The following EYS variants were observed in gnomAD, a reference collection of about 807,000 sequenced individuals.
EYS encodes the protein protein eyes shut homolog.
Under a neutral mutation model 282.1 loss-of-function variants are expected in EYS, and 250 were observed. The observed-to-expected ratio is 0.89, with a 90% CI of 0.80 to 0.98. The LOEUF (loss-of-function observed/expected upper bound fraction) is 0.98, where lower values mean the gene tolerates loss of function less well. Ranked by LOEUF, EYS falls within the 50% of genes least tolerant of loss-of-function variation. EYS has a pLI of 0.00. For missense variants in EYS, 4,016 were observed against 3,709.0 expected (o/e 1.08, Z -2.15); for synonymous variants, 1,355 against 1,282.9 (o/e 1.06, Z -1.20).
chr6:65,166,801 C>A (rs1295762871), intron 12 of EYS, among the ~76,000 whole-genome samples: 1 of 150,994 alleles, frequency 6.6e-6, no homozygotes, highest in South Asian at 2.1e-4. Context: ...TTATAAGGAA[C>A]CACTAATTCA....
intron 31 of EYS, among the ~76,000 whole-genome samples, chr6:64,216,830 T>C (rs1458296906): frequency 2.6e-5 from 4 of 152,088 alleles, no homozygotes; most frequent in Non-Finnish European, 5.9e-5. Context: ...TGAGCATCAA[T>C]AAATTTTGAG....
At chr6:64,408,171 TTAATAATAAATAAATAAA>T (rs1328545034) in intron 28 of EYS, among the ~76,000 whole-genome samples, 1 of 151,668 alleles carries the variant, frequency 6.6e-6, no homozygotes, top group African/African-American at 2.4e-5. Flanking sequence ...AAATAATGAG[TTAATAATAAATAAATAAA>T]TAATAATAAA....
chr6:64,520,890 G>A (rs1431106407), intron 26 of EYS, among the ~76,000 whole-genome samples: 1 of 151,718 alleles, frequency 6.6e-6, no homozygotes, highest in Non-Finnish European at 1.5e-5. Context: ...AGGTAAGAAA[G>A]AGTCCAATCC....
At chr6:65,091,805 G>T (rs947067774) in intron 12 of EYS, among the ~76,000 whole-genome samples, 1 of 152,026 alleles carries the variant, frequency 6.6e-6, no homozygotes, top group Non-Finnish European at 1.5e-5. Context: ...TAGCCATTCG[G>T]TTGTAACCTG....
chr6:65,249,059 T>C (rs680040), intron 12 of EYS, among the ~76,000 whole-genome samples: 57,482 of 146,880 alleles, frequency 0.39, 12,262 homozygotes, highest in African/African-American at 0.58. Flanking sequence ...CCTATAAAAC[T>C]GACAAGTGAA....
intron 30 of EYS, among the ~76,000 whole-genome samples, chr6:64,278,064 C>T (rs1768173997): frequency 6.6e-6 from 1 of 152,050 alleles, no homozygotes; most frequent in Non-Finnish European, 1.5e-5. Flanking sequence ...TATACTATGT[C>T]AAAGAAGCTG....
intron 31 of EYS, among the ~76,000 whole-genome samples, chr6:64,160,368 G>GT (rs1310071831): frequency 6.6e-6 from 1 of 152,136 alleles, no homozygotes; most frequent in Non-Finnish European, 1.5e-5. Flanking sequence ...TGTACTGAGT[G>GT]TATCATTTTT....
At chr6:64,514,774 T>C (rs1777514147) in intron 26 of EYS, among the ~76,000 whole-genome samples, 1 of 151,762 alleles carries the variant, frequency 6.6e-6, no homozygotes, top group African/African-American at 2.4e-5. Flanking sequence ...AAGGAAGGGC[T>C]ACAGAGAGAG....
intron 31 of EYS, among the ~76,000 whole-genome samples, chr6:64,212,360 CAAT>C (rs1170431891): frequency 6.6e-6 from 1 of 151,462 alleles, no homozygotes; most frequent in East Asian, 1.9e-4. Context: ...ACAAAGAAAA[CAAT>C]AAGTCCCAAA....
intron 12 of EYS, among the ~76,000 whole-genome samples, chr6:65,275,564 T>C (rs1443902821): frequency 1.3e-5 from 2 of 152,064 alleles, no homozygotes; most frequent in Non-Finnish European, 2.9e-5. Flanking sequence ...TAGGATGACA[T>C]GAAAAGGAAA....
chr6:64,307,006 G>C lies in EYS; in HGVS notation c.6155C>G (p.Ser2052Cys). 6.5e-7 allele frequency: 1 copy of C among 1,543,006 alleles called. No homozygotes were observed. Among genetic ancestry groups the C allele is most frequent in the Non-Finnish European group, 8.8e-7 (1 of 1,140,278 alleles). Residue 2052 changes from serine (S) to cysteine (C), a missense_variant, in exon 30 of 43, where the codon TCC (serine) becomes TGC (cysteine). By Grantham distance (112) the Ser-to-Cys change is moderately radical (BLOSUM62 -1). Coordinates refer to ENST00000503581, the MANE Select transcript of EYS (RefSeq NM_001142800.2). Reference protein sequence around the residue: ...EINNWRSFIPSKAVKNYHINN... With the variant: ...EINNWRSFIPCKAVKNYHINN... Reference sequence around the variant, plus strand: ...AATGTGATAGTTTTTCACTGCCTTGGATGGAATGAAAGATCTCCAGTTATT... The same window carrying C: ...AATGTGATAGTTTTTCACTGCCTTGCATGGAATGAAAGATCTCCAGTTATT...
intron 19 of EYS, among the ~76,000 whole-genome samples, chr6:64,858,417 CT>C (rs141070397): frequency 2.0e-5 from 3 of 151,486 alleles, no homozygotes; most frequent in Admixed American, 6.6e-5. Context: ...AATATGTGGG[CT>C]TTTTTTTGGG....
chr6:64,754,665 G>A (rs2149972797), intron 22 of EYS, among the ~76,000 whole-genome samples: 1 of 152,226 alleles, frequency 6.6e-6, no homozygotes, highest in South Asian at 2.1e-4. Flanking sequence ...TCCAGTTACA[G>A]AAAGATGGTT....
Position 65,614,079 on chromosome 6 carries a change from G to A in EYS, c.-333+25699C>T, listed in dbSNP as rs147521151. ...GCCAGGCACATGGGATATACAATACGACGTGTCTTTAAATTTCACTTATTT... is the reference window on the plus strand; with the variant it reads ...GCCAGGCACATGGGATATACAATACAACGTGTCTTTAAATTTCACTTATTT... On this transcript the variant is annotated intron_variant, in intron 2 of 42. Transcript: ENST00000503581. Among the ~76,000 whole-genome samples the A allele has an allele frequency of 9.7e-3, 1,478 of 151,982 alleles. 7 individuals are homozygous for A. Among genetic ancestry groups the A allele is most frequent in the Non-Finnish European group, 0.016 (1,069 of 67,826 alleles).
chr6:63,951,734 G>A (rs961764553), intron 35 of EYS, among the ~76,000 whole-genome samples: 10 of 151,556 alleles, frequency 6.6e-5, no homozygotes, highest in Non-Finnish European at 1.0e-4. Flanking sequence ...ATCTTAAAGA[G>A]GTGGCTGGAG....
intron 7 of EYS, among the ~76,000 whole-genome samples, chr6:65,395,453 C>T (rs1766244667): frequency 6.6e-6 from 1 of 152,104 alleles, no homozygotes; most frequent in African/African-American, 2.4e-5. Flanking sequence ...GTGATAATGA[C>T]TTGGTATATT....
chr6:64,729,706 C>T (rs773269424), intron 22 of EYS, among the ~76,000 whole-genome samples: 1 of 152,002 alleles, frequency 6.6e-6, no homozygotes. Context: ...ATGGTAAAAA[C>T]CGCAATAACT....
intron 26 of EYS, among the ~76,000 whole-genome samples, chr6:64,464,863 C>T (rs1043224137): frequency 2.0e-5 from 3 of 151,756 alleles, no homozygotes; most frequent in Non-Finnish European, 4.4e-5. Flanking sequence ...ACTACAGCTA[C>T]CTTAAGATAA....
intron 41 of EYS, among the ~76,000 whole-genome samples, chr6:63,746,854 T>C (rs1420696916): frequency 1.3e-5 from 2 of 152,124 alleles, no homozygotes; most frequent in Admixed American, 6.6e-5. Context: ...GCAATCTATC[T>C]ATTTTGTTAA....
Sources: gnomAD v4.1 joint callset for allele counts (sites outside exome capture counted in the v4.1 genomes callset) on GRCh38, gnomAD v4.1.1 for gene constraint, MANE v1.5 for transcripts, NCBI Gene and HGNC (gene_info 2026-07-23, HGNC 2026-07-21) for gene names.